The following MEGF11 variants were observed in gnomAD, a reference collection of about 807,000 sequenced individuals.
The protein encoded by MEGF11 is multiple EGF like domains 11.
MEGF11 carries 126 observed loss-of-function variants against 146.6 expected under a neutral mutation model. The observed-to-expected ratio is 0.86, with a 90% CI of 0.74 to 1.00. The LOEUF (loss-of-function observed/expected upper bound fraction) is 1.00. Among genes scored for constraint, MEGF11 ranks in the 50% least tolerant of loss-of-function variants. The pLI, the probability that MEGF11 is intolerant of heterozygous loss-of-function variation, is 0.00. For synonymous variants in MEGF11, 532 were observed against 583.4 expected, an observed-to-expected ratio of 0.91 and a Z score of 1.27; for missense variants, 1,509 against 1,521.2, an observed-to-expected ratio of 0.99 and a Z score of 0.13.
intron 1 of MEGF11, among the ~76,000 whole-genome samples, chr15:66,179,430 G>T (rs1386611722): frequency 6.6e-6 from 1 of 152,168 alleles, no homozygotes; most frequent in Non-Finnish European, 1.5e-5. Context: ...ATTCCGCCCA[G>T]CTGGAGGTTG....
At chr15:65,977,994 C>T (rs1209401941) in intron 7 of MEGF11, among the ~76,000 whole-genome samples, 1 of 152,234 alleles carries the variant, frequency 6.6e-6, no homozygotes, top group Non-Finnish European at 1.5e-5. Context: ...CCTCCTGAAA[C>T]AGGCTTCATG....
intron 1 of MEGF11, among the ~76,000 whole-genome samples, chr15:66,141,550 C>A (rs1366513492): frequency 6.6e-6 from 1 of 151,880 alleles, no homozygotes; most frequent in East Asian, 1.9e-4. Flanking sequence ...TGAACCACAG[C>A]ACCCAGAAGA....
intron 1 of MEGF11, among the ~76,000 whole-genome samples, chr15:66,168,130 C>T (rs1417396170): frequency 6.6e-6 from 1 of 152,072 alleles, no homozygotes; most frequent in African/African-American, 2.4e-5. Flanking sequence ...CCAGCTCCTA[C>T]CTGATGGAGC....
intron 5 of MEGF11, among the ~76,000 whole-genome samples, chr15:66,054,334 G>C (rs1041258777): frequency 2.6e-5 from 4 of 152,196 alleles, no homozygotes; most frequent in African/African-American, 9.7e-5. Flanking sequence ...CTCCATGAGG[G>C]CCTCTCACAG....
intron 16 of MEGF11, among the ~76,000 whole-genome samples, chr15:65,917,730 A>G (rs1210482957): frequency 2.0e-5 from 3 of 152,246 alleles, no homozygotes; most frequent in Admixed American, 2.0e-4. Flanking sequence ...CAGAATTCAT[A>G]GCATTAATGG....
intron 9 of MEGF11, among the ~76,000 whole-genome samples, chr15:65,961,134 C>T (rs2080843807): frequency 6.6e-6 from 1 of 152,196 alleles, no homozygotes; most frequent in Non-Finnish European, 1.5e-5. Flanking sequence ...TGTCCCTCAG[C>T]AGAGTGACTT....
intron 1 of MEGF11, among the ~76,000 whole-genome samples, chr15:66,134,518 C>T (rs898611555): frequency 5.9e-5 from 9 of 151,908 alleles, no homozygotes; most frequent in Non-Finnish European, 1.2e-4. Flanking sequence ...CTCCCACCTC[C>T]TCCCAGGGCT....
At chr15:65,992,204 A>C (rs1276404549) in intron 5 of MEGF11, among the ~76,000 whole-genome samples, 2 of 152,218 alleles carry the variant, frequency 1.3e-5, no homozygotes, top group Non-Finnish European at 2.9e-5. Flanking sequence ...AGCTCCAGGC[A>C]GCCAGGTCCA....
At chr15:66,056,312 T>C (rs1016408846) in intron 5 of MEGF11, among the ~76,000 whole-genome samples, 1 of 152,138 alleles carries the variant, frequency 6.6e-6, no homozygotes, top group African/African-American at 2.4e-5. Flanking sequence ...GAGCAGGACT[T>C]AACCTTCTGA....
At chr15:65,915,725 T>TCAACAGGA in intron 18 of MEGF11, 127 bp from the exon 19 acceptor site, 5 of 1,219,102 alleles carry the variant, frequency 4.1e-6, no homozygotes, top group Non-Finnish European at 5.7e-6. Context: ...CCTTAGCTCC[T>TCAACAGGA]GTTGAGGAGC....
intron 1 of MEGF11, among the ~76,000 whole-genome samples, chr15:66,237,300 C>T (rs1344833302): frequency 6.8e-6 from 1 of 147,370 alleles, no homozygotes; most frequent in Non-Finnish European, 1.5e-5. Flanking sequence ...AGTGGGGTCC[C>T]ACACCCTGTC....
intron 3 of MEGF11, 110 bp downstream of exon 3, chr15:66,123,789 G>A (rs1336964727): frequency 2.4e-6 from 2 of 816,702 alleles, no homozygotes; most frequent in Non-Finnish European, 4.2e-6. Flanking sequence ...TGTTCAGAGT[G>A]GAGGCGCGTG....
At chr15:66,128,499 A>G (rs780124189) in intron 1 of MEGF11, 88 bp from the exon 2 acceptor site, 15 of 670,790 alleles carry the variant, frequency 2.2e-5, no homozygotes, top group Non-Finnish European at 2.5e-5. Context: ...GGTAATGAGC[A>G]TTTGATATTT....
chr15:66,148,326 C>T (rs1175683802), intron 1 of MEGF11, among the ~76,000 whole-genome samples: 1 of 152,200 alleles, frequency 6.6e-6, no homozygotes. Context: ...ATTATTTACG[C>T]AGAGACCTTC....
chr15:66,108,398 T>G (rs2087207482), intron 4 of MEGF11, among the ~76,000 whole-genome samples: 1 of 152,150 alleles, frequency 6.6e-6, no homozygotes, highest in Non-Finnish European at 1.5e-5. Context: ...CAGTGATCTG[T>G]GTTGAGTGTA....
intron 1 of MEGF11, among the ~76,000 whole-genome samples, chr15:66,246,724 T>C (rs2092301252): frequency 6.6e-6 from 1 of 151,988 alleles, no homozygotes; most frequent in African/African-American, 2.4e-5. Flanking sequence ...GGTGGGAGAA[T>C]CGTTTGACCC....
intron 1 of MEGF11, among the ~76,000 whole-genome samples, chr15:66,227,024 G>C (rs1252994413): frequency 6.6e-6 from 1 of 152,302 alleles, no homozygotes; most frequent in East Asian, 1.9e-4. Flanking sequence ...CAGGGAGGTG[G>C]TGTGAGGCGT....
At chr15:66,194,285 A>C (rs1169540738) in intron 1 of MEGF11, among the ~76,000 whole-genome samples, 3 of 152,172 alleles carry the variant, frequency 2.0e-5, no homozygotes, top group Admixed American at 6.5e-5. Context: ...CATAAATGGG[A>C]GCTAAGCTGT....
intron 2 of MEGF11, among the ~76,000 whole-genome samples, chr15:66,128,091 T>G (rs1036875981): frequency 6.6e-6 from 1 of 152,160 alleles, no homozygotes; most frequent in African/African-American, 2.4e-5. Flanking sequence ...GGACAGTGCA[T>G]CGTAACTGAA....
Sources: allele counts gnomAD v4.1 joint callset (sites outside exome capture counted in the v4.1 genomes callset), GRCh38; gene constraint gnomAD v4.1.1; transcripts MANE v1.5; gene names NCBI Gene and HGNC (gene_info 2026-07-23, HGNC 2026-07-21).